CHD3: variants seen among roughly 807,000 people sequenced by gnomAD.
CHD3 encodes ATP-dependent chromatin remodeler CHD3.
Under a neutral mutation model 248.9 loss-of-function variants are expected in CHD3, and 52 were observed. That is an observed-to-expected ratio of 0.21 (90% confidence interval 0.17 to 0.26). The LOEUF is 0.26. Ranked by LOEUF, CHD3 falls within the 10% of genes least tolerant of loss-of-function variation. CHD3 has a pLI of 1.00. For missense variants in CHD3, 1,482 were observed against 2,605.8 expected, an observed-to-expected ratio of 0.57 and a Z score of 9.39; for synonymous variants, 985 against 985.2, an observed-to-expected ratio of 1.00 and a Z score of 0.00.
At chr17:7,891,511 G>C (rs1296822397) in intron 4 of CHD3, among the ~76,000 whole-genome samples, 2 of 152,184 alleles carry the variant, frequency 1.3e-5, no homozygotes, top group Non-Finnish European at 2.9e-5. Flanking sequence ...ACTGCTGGCA[G>C]TGGGACCTGA....
chr17:7,893,904 T>C lies in CHD3; in HGVS notation c.893T>C (p.Leu298Pro). The C allele has an allele frequency of 6.3e-7, 1 of 1,599,424 alleles. No individual in the cohort carries two copies. Among genetic ancestry groups the C allele is most frequent in the East Asian group, 2.3e-5 (1 of 43,754 alleles). ...GCACCACTCAAAATAAAACTAGGGC[T>C]TCTGGGTGGCAAGAGGAAGAAAGGA... ...KMAPLKIKLG[L>P]LGGKRKKGGS... Residue 298 changes from leucine to proline, a missense_variant, in exon 6 of 40, where the codon CTT becomes CCT. Around this residue, in one of 20 missense-constraint regions of CHD3, gnomAD observed 149 missense variants for 182.6 expected, o/e 0.82. Coordinates refer to ENST00000330494, the MANE Select transcript of CHD3 (RefSeq NM_001005273.3).
chr17:7,899,839 A>C lies in CHD3; in HGVS notation c.2545-57A>C, dbSNP rs1174367800. 1 of 1,588,932 alleles carries C rather than the reference A, an allele frequency of 6.3e-7. No individual in the cohort carries two copies. Among genetic ancestry groups the C allele is most frequent in the African/African-American group, 1.3e-5 (1 of 74,424 alleles). On this transcript the variant is annotated intron_variant, in intron 15 of 39. Coordinates refer to ENST00000330494, the MANE Select transcript of CHD3 (RefSeq NM_001005273.3). The surrounding 1 kb of genome is among the most constrained non-coding windows in gnomAD (Gnocchi z 6.8). ...GTCAGGACAAGGTGTCTGGTTCTGG[A>C]GGTGTAGGTGCATGGTTGTCAGGTG...
At position 7,903,723 on chromosome 17, in the gene CHD3, C is replaced by G; in HGVS notation, c.3728-102C>G. The G allele has an allele frequency of 7.6e-7, 1 of 1,323,932 alleles. No homozygotes were observed. The allele number at this position is 1,323,932 out of a possible 1,614,324, so 82.0% of individuals were successfully genotyped here. On this transcript the variant is annotated intron_variant, in intron 23 of 39. Coordinates refer to ENST00000330494, the MANE Select transcript of CHD3 (RefSeq NM_001005273.3). This position sits in a 1 kb window ranked among gnomAD's most constrained non-coding sequence, Gnocchi z 6.8. ...CAACATTGGCTCCCGGGGAAAAAGC[C>G]TTCTCTAGGGCTCCTGTGAAAAGGA...
chr17:7,904,428 C>T lies in CHD3; in HGVS notation c.3895-14C>T. On this transcript the variant is annotated splice_polypyrimidine_tract_variant and intron_variant, in intron 24 of 39. Transcript: ENST00000330494. This position sits in a 1 kb window ranked among gnomAD's most constrained non-coding sequence, Gnocchi z 4.4. ...AGGAGACCCCCAGTGTTCATTCATT[C>T]TGTTGCCCTTCAGATTGAGGAAATT... The T allele has an allele frequency of 6.2e-7, 1 of 1,608,438 alleles. No homozygotes were observed. The highest frequency in any genetic ancestry group is 2.2e-5 in the East Asian group (1 of 44,750).
rs924489873 is a variant in CHD3, at chr17:7,895,929, TA to T, written c.1707+396del. Among the ~76,000 whole-genome samples the T allele has an allele frequency of 6.6e-6, 1 of 151,322 alleles. No individual in the cohort carries two copies. The highest frequency in any genetic ancestry group is 2.0e-4 in the East Asian group (1 of 5,128). On this transcript the variant is annotated intron_variant, in intron 10 of 39. Coordinates refer to ENST00000330494, the MANE Select transcript of CHD3 (RefSeq NM_001005273.3). This position sits in a 1 kb window ranked among gnomAD's most constrained non-coding sequence, Gnocchi z 4.9. Reference sequence around the variant, plus strand: ...AACATAGTGAAACCCCATCTCTGTTTAAAAAAAAATTCTCGGCTGGGTGTGG... The same window carrying T: ...AACATAGTGAAACCCCATCTCTGTTTAAAAAAAATTCTCGGCTGGGTGTGG...
At chr17:7,885,058 C>CCCGCCG, upstream of CHD3, 1 of 957,030 alleles carries the variant, frequency 1.0e-6, no homozygotes. Flanking sequence ...CACCGCTGCC[C>CCCGCCG]CCGCCGCCGC....
Position 7,906,827 on chromosome 17 carries a change from C to T in CHD3, c.4504-42C>T, listed in dbSNP as rs371213219. On this transcript the variant is annotated intron_variant, in intron 29 of 39. Coordinates refer to ENST00000330494, the MANE Select transcript of CHD3 (RefSeq NM_001005273.3). The surrounding 1 kb of genome is among the most constrained non-coding windows in gnomAD (Gnocchi z 5.0). ...GAGACTGGAGCTTCCTGTCTGTAAG[C>T]GCCTGGAGCTGACACCTAACCCTCC... 2.5e-5 allele frequency: 41 copies of T among 1,610,560 alleles called. No homozygotes were observed. The highest frequency in any genetic ancestry group is 1.6e-4 in the African/African-American group (12 of 74,862).
chr17:7,890,928 C>G lies in CHD3; in HGVS notation c.385-12C>G. Reference sequence around the variant, plus strand: ...GAGGAGCACCTACTTCACCAAAGCCCCTCTCCCGCAGCAAGTGGAACAGAA... The same window carrying G: ...GAGGAGCACCTACTTCACCAAAGCCGCTCTCCCGCAGCAAGTGGAACAGAA... On this transcript the variant is annotated splice_polypyrimidine_tract_variant and intron_variant, in intron 3 of 39. Transcript: ENST00000330494. 1 of 1,613,882 alleles carries G rather than the reference C, an allele frequency of 6.2e-7. No individual in the cohort carries two copies. The highest frequency in any genetic ancestry group is 2.2e-5 in the East Asian group (1 of 44,882).
chr17:7,887,981 C>A (rs982580993), upstream of CHD3, among the ~76,000 whole-genome samples: 2 of 152,236 alleles, frequency 1.3e-5, no homozygotes, highest in African/African-American at 4.8e-5. Context: ...GCTTGTGCAC[C>A]ACCCCTGGCT....
At position 7,899,336 on chromosome 17, in the gene CHD3, C is replaced by T; in HGVS notation, c.2344-7C>T. 6 of 1,613,906 alleles carry T rather than the reference C, an allele frequency of 3.7e-6. No homozygotes were observed. In the Admixed American group the frequency reaches 6.7e-5, roughly 18 times the overall value. ...AGACTTATGCTGCCCCCATTCTTGA[C>T]TCCCAGGGCCACACAAAAGGTCCCT... On this transcript the variant is annotated splice_region_variant and splice_polypyrimidine_tract_variant and intron_variant, in intron 14 of 39. Coordinates refer to ENST00000330494, the MANE Select transcript of CHD3 (RefSeq NM_001005273.3). This position sits in a 1 kb window ranked among gnomAD's most constrained non-coding sequence, Gnocchi z 6.8.
chr17:7,886,755 G>A (rs1597903112), upstream of CHD3, among the ~76,000 whole-genome samples: 1 of 152,118 alleles, frequency 6.6e-6, no homozygotes, highest in Non-Finnish European at 1.5e-5. This position sits in a 1 kb window ranked among gnomAD's most constrained non-coding sequence, Gnocchi z 4.2. Context: ...AAGAAAGGCC[G>A]TCAGGTCCTG....
At position 7,907,039 on chromosome 17, in the gene CHD3, G is replaced by T. The variant is rs1200610484; in HGVS notation, c.4666+8G>T. The T allele has an allele frequency of 6.2e-7, 1 of 1,614,020 alleles. No individual in the cohort carries two copies. The highest frequency in any genetic ancestry group is 8.5e-7 in the Non-Finnish European group (1 of 1,180,000). ...CCTGCACCTCTAAACCTGGTAATCA[G>T]AAGTCAGGATGGTGGGAGAGACAGA... On this transcript the variant is annotated splice_region_variant and intron_variant, in intron 30 of 39. Coordinates refer to ENST00000330494, the MANE Select transcript of CHD3 (RefSeq NM_001005273.3). The surrounding 1 kb of genome is among the most constrained non-coding windows in gnomAD (Gnocchi z 4.3).
In CHD3 at chr17:7,906,155, C is replaced by T. The variant is rs144649037; in HGVS notation, c.4358+166C>T. The T allele has an allele frequency of 7.8e-4, 839 of 1,070,754 alleles. 6 individuals are homozygous for T. Among genetic ancestry groups the T allele is most frequent in the South Asian group, 6.1e-3 (489 of 79,650 alleles). The allele number at this position is 1,070,754 out of a possible 1,614,324, so 66.3% of individuals were successfully genotyped here. The stretch of plus-strand genomic sequence containing the variant: ...TTTCCTGGGGGGTGGTCTCAGCCCA[C>T]TCCACCTCCCCTCAGCCGAGCCTAG... On this transcript the variant is annotated intron_variant, in intron 28 of 39. Coordinates refer to ENST00000330494, the MANE Select transcript of CHD3 (RefSeq NM_001005273.3). The surrounding 1 kb of genome is among the most constrained non-coding windows in gnomAD (Gnocchi z 5.0).
rs750749834 is a variant in CHD3 at position 7,893,409 on chromosome 17, G to A, written c.633G>A (p.Ala211=). 118 of 1,611,508 alleles carry A rather than the reference G, an allele frequency of 7.3e-5. No homozygotes were observed. In the East Asian group the frequency reaches 2.3e-3, roughly 31 times the overall value. ...AGGGGTCAGCAGCTGCTGTGGCGGCGGCAGCGGCAGCAGCAGCAGCAGCTG... is the reference window on the plus strand; with the variant it reads ...AGGGGTCAGCAGCTGCTGTGGCGGCAGCAGCGGCAGCAGCAGCAGCAGCTG... ...PFKGSAAAVA[A]AAAAAAAAVA... The change falls in exon 5 of 40, where the codon GCG becomes GCA. Residue 211 remains alanine (A), a synonymous_variant. Coordinates refer to ENST00000330494, the MANE Select transcript of CHD3 (RefSeq NM_001005273.3).
intron 20 of CHD3, among the ~76,000 whole-genome samples, chr17:7,901,759 C>A (rs924982712): frequency 2.6e-5 from 4 of 152,034 alleles, no homozygotes; most frequent in Non-Finnish European, 4.4e-5. Flanking sequence ...GATCTGCCCG[C>A]CTCGGTCTCC....
At position 7,899,088 on chromosome 17, in the gene CHD3, G is replaced by C; in HGVS notation, c.2229G>C (p.Gly743=). ...CCCTGCACATGTATCAGTTGGAAGGGCTGAACTGGCTACGCTTCTCCTGGG... is the reference window on the plus strand; with the variant it reads ...CCCTGCACATGTATCAGTTGGAAGGCCTGAACTGGCTACGCTTCTCCTGGG... ...GGTLHMYQLE[G]LNWLRFSWAQ... is the part of the protein sequence containing the mutation. The change falls in exon 14 of 40, where the codon GGG becomes GGC. Residue 743 remains glycine, a synonymous_variant. Transcript: ENST00000330494. The surrounding 1 kb of genome is among the most constrained non-coding windows in gnomAD (Gnocchi z 6.8). 6.2e-7 allele frequency: 1 copy of C among 1,614,168 alleles called. No homozygotes were observed. Among genetic ancestry groups the C allele is most frequent in the Non-Finnish European group, 8.5e-7 (1 of 1,180,022 alleles).
chr17:7,897,352 T>C lies in CHD3; in HGVS notation c.1919+58T>C. On this transcript the variant is annotated intron_variant, in intron 11 of 39. Transcript: ENST00000330494. The surrounding 1 kb of genome is among the most constrained non-coding windows in gnomAD (Gnocchi z 4.8). The stretch of plus-strand genomic sequence containing the variant: ...GTATATGACATTATTCTTACCATGG[T>C]GATGGCCCCATGTTAGTATTTGCTG... 1 of 1,403,624 alleles carries C rather than the reference T, an allele frequency of 7.1e-7. No homozygotes were observed. Among genetic ancestry groups the C allele is most frequent in the Non-Finnish European group, 1.0e-6 (1 of 998,778 alleles). The allele number at this position is 1,403,624 out of a possible 1,614,324, so 86.9% of individuals were successfully genotyped here.
At position 7,900,139 on chromosome 17, in the gene CHD3, A is replaced by G; in HGVS notation, c.2682+106A>G. 6.6e-7 allele frequency: 1 copy of G among 1,526,010 alleles called. No individual in the cohort carries two copies. Among genetic ancestry groups the G allele is most frequent in the East Asian group, 2.3e-5 (1 of 44,042 alleles). 94.5% of individuals were successfully genotyped at this position (1,526,010 alleles called of 1,614,324 possible). ...TGGGGATTTTCTGTAGTCTGGGAGGACGTCCAGGTTGGAAGAGGGAGAGGG... is the reference window on the plus strand; with the variant it reads ...TGGGGATTTTCTGTAGTCTGGGAGGGCGTCCAGGTTGGAAGAGGGAGAGGG... On this transcript the variant is annotated intron_variant, in intron 16 of 39. Coordinates refer to ENST00000330494, the MANE Select transcript of CHD3 (RefSeq NM_001005273.3). This position sits in a 1 kb window ranked among gnomAD's most constrained non-coding sequence, Gnocchi z 6.5.
Position 7,908,536 on chromosome 17 carries a change from G to A in CHD3, c.5261+26G>A, listed in dbSNP as rs959178415. On this transcript the variant is annotated intron_variant, in intron 35 of 39. Coordinates refer to ENST00000330494, the MANE Select transcript of CHD3 (RefSeq NM_001005273.3). This position sits in a 1 kb window ranked among gnomAD's most constrained non-coding sequence, Gnocchi z 5.8. The stretch of plus-strand genomic sequence containing the variant: ...GTATCCTTTGATACACATGCAAGAA[G>A]GAAAAGGTTCTCTCAAGCTGGCAAA... The A allele has an allele frequency of 6.3e-7, 1 of 1,595,716 alleles. No individual in the cohort carries two copies. Among genetic ancestry groups the A allele is most frequent in the Admixed American group, 1.7e-5 (1 of 58,732 alleles).
Sources: gnomAD v4.1 joint callset for allele counts (sites outside exome capture counted in the v4.1 genomes callset) on GRCh38, gnomAD v4.1.1 for gene constraint, gnomAD v4.1.1 regional missense constraint, Gnocchi (gnomAD v3.1) non-coding constraint, MANE v1.5 for transcripts, NCBI Gene and HGNC (gene_info 2026-07-23, HGNC 2026-07-21) for gene names.